The following DSCAM variants were observed in gnomAD, a reference collection of about 807,000 sequenced individuals.
DSCAM encodes the protein DS cell adhesion molecule.
A neutral mutation model predicts 217.7 loss-of-function variants in DSCAM; 47 were observed. The ratio of observed to expected loss-of-function variants is 0.22; its 90% CI spans 0.17 to 0.28. DSCAM has a LOEUF of 0.28. Ranked by LOEUF, DSCAM falls within the 10% of genes least tolerant of loss-of-function variation. The pLI is 1.00. For missense variants in DSCAM, 2,080 were observed against 2,618.3 expected, an observed-to-expected ratio of 0.79 and a Z score of 4.49; for synonymous variants, 1,056 against 1,015.3, an observed-to-expected ratio of 1.04 and a Z score of -0.76.
At chr21:40,099,763 G>A (rs1326061058) in intron 20 of DSCAM, among the ~76,000 whole-genome samples, 1 of 152,154 alleles carries the variant, frequency 6.6e-6, no homozygotes, top group Non-Finnish European at 1.5e-5. Context: ...CTCATGTTTT[G>A]CCAGTCATCC....
intron 3 of DSCAM, among the ~76,000 whole-genome samples, chr21:40,630,057 T>C (rs989910783): frequency 4.6e-5 from 7 of 152,126 alleles, no homozygotes; most frequent in African/African-American, 1.2e-4. Flanking sequence ...TGCTGATGGA[T>C]GTCTACCATG....
intron 11 of DSCAM, among the ~76,000 whole-genome samples, chr21:40,251,268 T>C (rs746116616): frequency 1.3e-5 from 2 of 152,046 alleles, no homozygotes; most frequent in African/African-American, 4.8e-5. Flanking sequence ...TCAACACATA[T>C]AGATCAGAAT....
At chr21:40,403,629 G>GCGCGCACACACACA (rs374617687) in intron 3 of DSCAM, among the ~76,000 whole-genome samples, 1 of 145,788 alleles carries the variant, frequency 6.9e-6, no homozygotes, top group African/African-American at 2.6e-5. Context: ...GCATGCATGT[G>GCGCGCACACACACA]CACACACACA....
chr21:40,612,699 G>A (rs958162994), intron 3 of DSCAM, among the ~76,000 whole-genome samples: 4 of 152,140 alleles, frequency 2.6e-5, no homozygotes, highest in Admixed American at 6.5e-5. Context: ...GTTATCAAAG[G>A]GTTTTGATAA....
intron 21 of DSCAM, among the ~76,000 whole-genome samples, chr21:40,093,438 T>G (rs1328590201): frequency 6.6e-6 from 1 of 152,214 alleles, no homozygotes; most frequent in Non-Finnish European, 1.5e-5. Context: ...GTGTAATGAT[T>G]TTCAGCTACT....
At chr21:40,334,565 T>A (rs2074409718) in intron 8 of DSCAM, among the ~76,000 whole-genome samples, 1 of 152,124 alleles carries the variant, frequency 6.6e-6, no homozygotes, top group Non-Finnish European at 1.5e-5. Context: ...CTGGATTCAC[T>A]TTCCAACAGG....
intron 11 of DSCAM, among the ~76,000 whole-genome samples, chr21:40,266,982 A>G (rs2073546413): frequency 6.7e-6 from 1 of 149,922 alleles, no homozygotes; most frequent in Non-Finnish European, 1.5e-5. Flanking sequence ...CTTTGGGCAC[A>G]CAAAGGCATA....
intron 8 of DSCAM, among the ~76,000 whole-genome samples, chr21:40,333,003 C>G (rs904751323): frequency 6.6e-6 from 1 of 152,170 alleles, no homozygotes; most frequent in Non-Finnish European, 1.5e-5. Context: ...CTGTTAGCAG[C>G]ATTATTGCCG....
At chr21:40,216,265 G>A (rs1450486428) in intron 11 of DSCAM, among the ~76,000 whole-genome samples, 1 of 151,326 alleles carries the variant, frequency 6.6e-6, no homozygotes, top group Non-Finnish European at 1.5e-5. Flanking sequence ...CAGCATGCCT[G>A]CCTAATTTAA....
Position 40,654,336 on chromosome 21 carries a change from T to C in DSCAM, c.508+38474A>G, listed in dbSNP as rs1235901478. 2.0e-5 allele frequency among the ~76,000 whole-genome samples: 3 copies of C among 152,184 alleles called. No homozygotes were observed. In the South Asian group the frequency reaches 6.2e-4, roughly 32 times the overall value. On this transcript the variant is annotated intron_variant, in intron 3 of 32. Transcript: ENST00000400454. ...TCCTAGAAGCATGCTCTCTGCTTTCTGGTGCTAGTACAAAATCAATAGCAG... is the reference window on the plus strand; with the variant it reads ...TCCTAGAAGCATGCTCTCTGCTTTCCGGTGCTAGTACAAAATCAATAGCAG...
intron 1 of DSCAM, among the ~76,000 whole-genome samples, chr21:40,720,503 C>T (rs1013029267): frequency 3.3e-5 from 5 of 152,028 alleles, no homozygotes; most frequent in Middle Eastern, 3.2e-3. Context: ...TTGCCTTTAA[C>T]GTTAATATAT....
In DSCAM at chr21:40,448,211, A is replaced by G. The variant is rs1198684043; in HGVS notation, c.509-78966T>C. ...GAGGATGTTTTTGGAAGAAATCAGC[A>G]TTTAAATCAGTAGGCTGAGTAAACA... On this transcript the variant is annotated intron_variant, in intron 3 of 32. Transcript: ENST00000400454. 4.6e-5 allele frequency among the ~76,000 whole-genome samples: 7 copies of G among 152,338 alleles called. No individual in the cohort carries two copies. The East Asian group carries it at 9.7e-4, about 21-fold the overall frequency.
At chr21:40,656,563 TCTC>T (rs2090079386) in intron 3 of DSCAM, among the ~76,000 whole-genome samples, 1 of 152,162 alleles carries the variant, frequency 6.6e-6, no homozygotes, top group Non-Finnish European at 1.5e-5. Flanking sequence ...TCCGGTATGT[TCTC>T]CTCTCTTAAA....
intron 3 of DSCAM, among the ~76,000 whole-genome samples, chr21:40,424,494 G>A (rs568132913): frequency 1.8e-4 from 27 of 152,250 alleles, no homozygotes; most frequent in African/African-American, 4.1e-4. Context: ...GCCAGGTGCC[G>A]CAGGAGGTGA....
At chr21:40,211,620 C>T (rs2837507) in intron 11 of DSCAM, among the ~76,000 whole-genome samples, 67,080 of 151,072 alleles carry the variant, frequency 0.44, 15,710 homozygotes, top group East Asian at 0.57. Flanking sequence ...GATGTGTAGA[C>T]CTATCCACCT....
At chr21:40,649,415 G>A (rs1451171211) in intron 3 of DSCAM, among the ~76,000 whole-genome samples, 5 of 152,126 alleles carry the variant, frequency 3.3e-5, no homozygotes, top group East Asian at 1.9e-4. Flanking sequence ...ATGGGCCAAC[G>A]TCATTAGATA....
chr21:40,445,271 A>C (rs62225465), intron 3 of DSCAM, among the ~76,000 whole-genome samples: 19,647 of 152,222 alleles, frequency 0.13, 1,383 homozygotes, highest in South Asian at 0.25. Context: ...CAGCATTCAG[A>C]TCACAGCACC....
chr21:40,695,317 G>T (rs948578170), intron 2 of DSCAM, among the ~76,000 whole-genome samples: 1 of 151,862 alleles, frequency 6.6e-6, no homozygotes, highest in Non-Finnish European at 1.5e-5. Flanking sequence ...GTGACTGACC[G>T]GGGACATTCC....
intron 3 of DSCAM, among the ~76,000 whole-genome samples, chr21:40,544,897 T>C (rs2076569095): frequency 6.6e-6 from 1 of 150,740 alleles, no homozygotes; most frequent in South Asian, 2.1e-4. Flanking sequence ...GTATTCACTT[T>C]TATTTAATTA....
Sources: gnomAD v4.1 joint callset for allele counts (sites outside exome capture counted in the v4.1 genomes callset) on GRCh38, gnomAD v4.1.1 for gene constraint, MANE v1.5 for transcripts, NCBI Gene and HGNC (gene_info 2026-07-23, HGNC 2026-07-21) for gene names.